Variants in NAA11 observed in about 807,000 individuals in gnomAD.
NAA11 encodes N-alpha-acetyltransferase 11.
Under a neutral mutation model 16.1 loss-of-function variants are expected in NAA11, and 15 were observed. The observed-to-expected ratio is 0.93, with a 90% CI of 0.62 to 1.44. The LOEUF (loss-of-function observed/expected upper bound fraction) is 1.44. Among genes scored for constraint, NAA11 ranks in the 40% most tolerant of loss-of-function variants. The pLI is 0.00. For missense variants in NAA11, 298 were observed against 291.3 expected (o/e 1.02, Z -0.17); for synonymous variants, 122 against 112.4 (o/e 1.09, Z -0.54).
chr4:79,261,565 C>A (rs984987614), intron 2 of NAA11, among the ~76,000 whole-genome samples: 10 of 152,118 alleles, frequency 6.6e-5, no homozygotes, highest in Admixed American at 2.6e-4. Flanking sequence ...TGGGCTAGAA[C>A]TAAAACCTAT....
chr4:79,183,727 T>C, the NAA11 span, among the ~76,000 whole-genome samples: 7 of 152,088 alleles, frequency 4.6e-5, no homozygotes, highest in East Asian at 1.3e-3. Flanking sequence ...TTGTTCAGCC[T>C]CCCCTTGCTA....
the NAA11 span, among the ~76,000 whole-genome samples, chr4:79,185,153 A>G: frequency 8.6e-5 from 13 of 151,698 alleles, no homozygotes; most frequent in East Asian, 1.8e-3. Flanking sequence ...CTTTCTCTCT[A>G]TTTTTCTCCA....
downstream of NAA11, among the ~76,000 whole-genome samples, chr4:79,313,178 C>T (rs1486102873): frequency 1.3e-5 from 2 of 152,112 alleles, no homozygotes; most frequent in Admixed American, 1.3e-4. Context: ...TGTTACTCTA[C>T]ACCAGTTTAA....
intron 2 of NAA11, among the ~76,000 whole-genome samples, chr4:79,248,183 C>T (rs981565640): frequency 6.6e-6 from 1 of 152,060 alleles, no homozygotes; most frequent in Non-Finnish European, 1.5e-5. Context: ...TCCCTGGGGC[C>T]CACATCATAG....
the NAA11 span, among the ~76,000 whole-genome samples, chr4:79,178,443 A>G: frequency 1.3e-5 from 2 of 152,232 alleles, no homozygotes; most frequent in Non-Finnish European, 2.9e-5. Flanking sequence ...TACAAGTCCT[A>G]GAGAATAGTT....
chr4:79,320,859 G>C (rs1186182299), intron 1 of NAA11, among the ~76,000 whole-genome samples: 1 of 152,176 alleles, frequency 6.6e-6, no homozygotes, highest in Non-Finnish European at 1.5e-5. Context: ...CACAATTGTA[G>C]AAGGATAGTA....
chr4:79,326,036 G>C lies in NAA11; in HGVS notation c.-159C>G, dbSNP rs532019417. On this transcript the variant is annotated 5_prime_UTR_variant, in exon 1 of 2. Transcript: ENST00000286794. ...GGATGGCGGGAAGGCGGAAGGAGCA[G>C]GAGATGGAAAAGATGGTGCCAAACT... 7.8e-6 allele frequency: 5 copies of C among 639,258 alleles called. No individual in the cohort carries two copies. The highest frequency in any genetic ancestry group is 1.4e-5 in the Non-Finnish European group (5 of 362,868). 39.6% of individuals were successfully genotyped at this position (639,258 alleles called of 1,614,324 possible).
At chr4:79,162,681 T>C in the NAA11 span, among the ~76,000 whole-genome samples, 1 of 152,218 alleles carries the variant, frequency 6.6e-6, no homozygotes, top group South Asian at 2.1e-4. Flanking sequence ...GTTTCTTAAC[T>C]GAGTCAACTT....
intron 1 of NAA11, chr4:79,308,506 C>T (rs924769109): frequency 6.6e-6 from 1 of 152,080 alleles, no homozygotes; most frequent in Non-Finnish European, 1.5e-5. Context: ...TGGAGTTTTC[C>T]AGTTCATCAG....
intron 2 of NAA11, among the ~76,000 whole-genome samples, chr4:79,249,192 A>G (rs924629594): frequency 6.6e-6 from 1 of 152,188 alleles, no homozygotes; most frequent in South Asian, 2.1e-4. Flanking sequence ...AACTCTGGCC[A>G]CTCAAAAAGC....
chr4:79,214,755 G>A, the NAA11 span, among the ~76,000 whole-genome samples: 13 of 152,116 alleles, frequency 8.5e-5, 1 homozygote, highest in African/African-American at 2.7e-4. Flanking sequence ...CCGAGATGGC[G>A]CCACTGCACT....
At chr4:79,300,196 G>A (rs929829473) in intron 1 of NAA11, among the ~76,000 whole-genome samples, 3 of 152,168 alleles carry the variant, frequency 2.0e-5, no homozygotes, top group African/African-American at 4.8e-5. Flanking sequence ...TTTTCCTAAG[G>A]TGTTAGGCAA....
chr4:79,188,398 A>C, the NAA11 span, among the ~76,000 whole-genome samples: 1 of 152,054 alleles, frequency 6.6e-6, no homozygotes, highest in African/African-American at 2.4e-5. Context: ...ATCCTGGCTA[A>C]CGCGGTGAAA....
At position 79,249,777 on chromosome 4, in the gene NAA11, A is replaced by G. The variant is rs373177582; in HGVS notation, c.*123-23507T>C. On this transcript the variant is annotated intron_variant and NMD_transcript_variant, in intron 2 of 2. Coordinates refer to the NAA11 transcript ENST00000511542. ...ACACAGAGAACCCTTACAAAATACT[A>G]CACAAGAATACCTTCTCCAAGACAC... Among the ~76,000 whole-genome samples, 7 of 152,340 alleles carry G rather than the reference A, an allele frequency of 4.6e-5. No individual in the cohort carries two copies. In the South Asian group the frequency reaches 8.3e-4, roughly 18 times the overall value.
the NAA11 span, among the ~76,000 whole-genome samples, chr4:79,203,176 A>G: frequency 3.5e-3 from 536 of 151,842 alleles, 6 homozygotes; most frequent in African/African-American, 0.012. Context: ...CAAGTCTCAA[A>G]AAAAAGGCTT....
the NAA11 span, among the ~76,000 whole-genome samples, chr4:79,157,461 C>T: frequency 1.3e-5 from 2 of 151,610 alleles, no homozygotes; most frequent in Non-Finnish European, 2.9e-5. Flanking sequence ...AGTGGCATTC[C>T]ATCATATACA....
At chr4:79,199,638 G>A in the NAA11 span, among the ~76,000 whole-genome samples, 1 of 151,798 alleles carries the variant, frequency 6.6e-6, no homozygotes, top group Non-Finnish European at 1.5e-5. Context: ...CAACTTGTTT[G>A]CAATTACAGA....
At chr4:79,197,091 C>A in the NAA11 span, among the ~76,000 whole-genome samples, 1 of 151,500 alleles carries the variant, frequency 6.6e-6, no homozygotes. Context: ...CTGACTTCCA[C>A]AACCATAAGA....
chr4:79,269,797 T>C (rs1279533319), intron 2 of NAA11, among the ~76,000 whole-genome samples: 1 of 141,812 alleles, frequency 7.1e-6, no homozygotes, highest in Non-Finnish European at 1.5e-5. Flanking sequence ...TCCTGAATGG[T>C]AATGCCTAGG....
Sources: allele counts gnomAD v4.1 joint callset (sites outside exome capture counted in the v4.1 genomes callset), GRCh38; gene constraint gnomAD v4.1.1; transcripts MANE v1.5; gene names NCBI Gene and HGNC (gene_info 2026-07-23, HGNC 2026-07-21).